ZNF568: variants seen among roughly 807,000 people sequenced by gnomAD.
ZNF568 encodes the protein zinc finger protein 568.
In ZNF568, 11 loss-of-function variants were observed where a neutral mutation model predicts 18.1. The observed-to-expected ratio is 0.61, with a 90% CI of 0.38 to 1.00. The LOEUF is 1.00. Among genes scored for constraint, ZNF568 ranks in the 50% least tolerant of loss-of-function variants. The probability of loss-of-function intolerance (pLI) is 0.01; values close to 1 mark genes in which losing one functional copy is unlikely to be tolerated. For synonymous variants in ZNF568, 213 were observed against 246.6 expected (o/e 0.86, Z 1.28); for missense variants, 639 against 768.2 (o/e 0.83, Z 1.99).
chr19:36,925,080 T>A, intron 3 of ZNF568, 120 bp from the exon 4 acceptor site: 1 of 817,720 alleles, frequency 1.2e-6, no homozygotes, highest in South Asian at 1.5e-5. Flanking sequence ...CAGTTAACAT[T>A]TCTTATTGCT....
chr19:36,971,100 G>A (rs2146331282), intron 6 of ZNF568, among the ~76,000 whole-genome samples: 1 of 152,068 alleles, frequency 6.6e-6, no homozygotes, highest in Middle Eastern at 3.4e-3. Flanking sequence ...AAGAATACAG[G>A]CGGGCACCTG....
chr19:36,929,877 G>T (rs1169150729), intron 4 of ZNF568, among the ~76,000 whole-genome samples: 1 of 150,490 alleles, frequency 6.6e-6, no homozygotes, highest in East Asian at 2.0e-4. Flanking sequence ...AGGAGAGGAA[G>T]GTGCTGTGGT....
chr19:36,989,205 CAG>C lies in ZNF568; in HGVS notation c.10-1968_10-1967del, dbSNP rs2074402411. 2.0e-5 allele frequency among the ~76,000 whole-genome samples: 3 copies of C among 152,312 alleles called. No individual in the cohort carries two copies. The East Asian group carries it at 5.8e-4, about 29-fold the overall frequency. On this transcript the variant is annotated intron_variant, in intron 2 of 4. Coordinates refer to the ZNF568 transcript ENST00000433993. ...TCTTTTATTGATTGATTGATTGAGA[CAG>C]AGTCTCCCTCTGTTGCCTAGGCTAG...
intron 6 of ZNF568, among the ~76,000 whole-genome samples, chr19:36,968,734 A>G (rs1460295561): frequency 6.6e-6 from 1 of 151,872 alleles, no homozygotes; most frequent in Non-Finnish European, 1.5e-5. Flanking sequence ...AAAAAAAAAA[A>G]AACATGTTTA....
In ZNF568 at chr19:36,922,887, G is replaced by C. The variant is rs376174165; in HGVS notation, c.76+41G>C. ...GGTGGACAGAGCTTAGGAGAGAAAGGCTCTACATTTGGGGACAGTGAAAAG... is the reference window on the plus strand; with the variant it reads ...GGTGGACAGAGCTTAGGAGAGAAAGCCTCTACATTTGGGGACAGTGAAAAG... On this transcript the variant is annotated intron_variant, in intron 3 of 6. Coordinates refer to ENST00000333987, the MANE Select transcript of ZNF568 (RefSeq NM_198539.4). The C allele has an allele frequency of 6.3e-6, 10 of 1,587,806 alleles. No individual in the cohort carries two copies. The African/African-American group carries it at 1.1e-4, about 17-fold the overall frequency.
At chr19:36,940,259 C>G (rs1407790410) in intron 6 of ZNF568, among the ~76,000 whole-genome samples, 1 of 152,176 alleles carries the variant, frequency 6.6e-6, no homozygotes, top group Non-Finnish European at 1.5e-5. Flanking sequence ...ATATCTCTGC[C>G]ATTAATTATG....
At chr19:36,949,259 A>G (rs192998051) in intron 6 of ZNF568, among the ~76,000 whole-genome samples, 169 of 152,262 alleles carry the variant, frequency 1.1e-3, no homozygotes, top group African/African-American at 3.9e-3. Flanking sequence ...TTTCTGCACT[A>G]TACGTGGACG....
At chr19:36,931,099 G>C (rs2073679599) in intron 4 of ZNF568, among the ~76,000 whole-genome samples, 1 of 152,186 alleles carries the variant, frequency 6.6e-6, no homozygotes, top group Non-Finnish European at 1.5e-5. Flanking sequence ...AGGCTCCACA[G>C]TGGGCTTGTG....
rs2074026610 is a variant in ZNF568 at position 36,949,791 on chromosome 19, A to G, written c.638A>G (p.His213Arg). ...AATGAGTTTGGGAAACCATTTTACCATTGTGCATCCTATGTTGTAACCCCC... is the reference window on the plus strand; with the variant it reads ...AATGAGTTTGGGAAACCATTTTACCGTTGTGCATCCTATGTTGTAACCCCC... ...QSNEFGKPFYHCASYVVTPFK... is the reference protein window; with the variant it reads ...QSNEFGKPFYRCASYVVTPFK... The change falls in exon 7 of 7, where the codon CAT becomes CGT. Residue 213 changes from histidine to arginine, a missense_variant. His to Arg is a conservative substitution (Grantham distance 29). Transcript: ENST00000333987. 2 of 1,613,992 alleles carry G rather than the reference A, an allele frequency of 1.2e-6. No homozygotes were observed. The highest frequency in any genetic ancestry group is 1.7e-6 in the Non-Finnish European group (2 of 1,179,936).
At chr19:36,968,736 AC>A (rs970904942) in intron 6 of ZNF568, among the ~76,000 whole-genome samples, 6 of 151,600 alleles carry the variant, frequency 4.0e-5, no homozygotes, top group African/African-American at 7.3e-5. Context: ...AAAAAAAAAA[AC>A]ATGTTTAGTA....
downstream of ZNF568, among the ~76,000 whole-genome samples, chr19:36,980,606 A>G (rs2074323363): frequency 6.6e-6 from 1 of 152,182 alleles, no homozygotes; most frequent in Non-Finnish European, 1.5e-5. Flanking sequence ...AAAGCCTCAC[A>G]GAACTCAATG....
At chr19:36,976,676 C>T (rs2074287810) in intron 7 of ZNF568, among the ~76,000 whole-genome samples, 1 of 151,990 alleles carries the variant, frequency 6.6e-6, no homozygotes. Flanking sequence ...TTTGGGAGGC[C>T]AAGGCGGGCG....
chr19:36,925,121 T>TA (rs2073529781), intron 3 of ZNF568, 79 bp from the exon 4 acceptor site: 1 of 1,336,856 alleles, frequency 7.5e-7, no homozygotes, highest in East Asian at 2.3e-5. Context: ...GAGGGTCTTC[T>TA]AGCCACCTGG....
chr19:36,921,996 A>G (rs1336228937), intron 2 of ZNF568, among the ~76,000 whole-genome samples: 1 of 152,236 alleles, frequency 6.6e-6, no homozygotes, highest in East Asian at 1.9e-4. Context: ...GCCTCTGGTC[A>G]GTGTGTCCAG....
chr19:36,920,652 A>G (rs967704273), intron 2 of ZNF568, among the ~76,000 whole-genome samples: 14 of 152,064 alleles, frequency 9.2e-5, no homozygotes, highest in Admixed American at 8.5e-4. Context: ...CTTATAAAGT[A>G]ACAAAGTTAT....
chr19:36,957,020 C>T (rs2074112072), downstream of ZNF568, among the ~76,000 whole-genome samples: 1 of 151,906 alleles, frequency 6.6e-6, no homozygotes, highest in East Asian at 1.9e-4. Context: ...ATAATAAGAG[C>T]GTCATTGTTA....
chr19:36,957,205 A>G (rs1353198689), downstream of ZNF568, among the ~76,000 whole-genome samples: 1 of 134,480 alleles, frequency 7.4e-6, no homozygotes, highest in East Asian at 2.4e-4. Flanking sequence ...CCCCCTAGGG[A>G]TTTCCAGACT....
chr19:36,989,930 C>T (rs942495608), intron 2 of ZNF568, among the ~76,000 whole-genome samples: 3 of 151,756 alleles, frequency 2.0e-5, no homozygotes, highest in African/African-American at 7.3e-5. Context: ...TCATACCTCC[C>T]TTCTTGGAGC....
At chr19:36,995,340 A>C (rs2074460858) in intron 4 of ZNF568, among the ~76,000 whole-genome samples, 2 of 152,158 alleles carry the variant, frequency 1.3e-5, no homozygotes, top group Non-Finnish European at 2.9e-5. Flanking sequence ...TGGAGGTTGC[A>C]ATGAGCTGAG....
Sources: allele counts gnomAD v4.1 joint callset (sites outside exome capture counted in the v4.1 genomes callset), GRCh38; gene constraint gnomAD v4.1.1; transcripts MANE v1.5; gene names NCBI Gene and HGNC (gene_info 2026-07-23, HGNC 2026-07-21).